Variants in DPP6 observed in about 807,000 individuals in gnomAD.
DPP6 encodes A-type potassium channel modulatory protein DPP6.
In DPP6, 69 loss-of-function variants were observed where a neutral mutation model predicts 122.6. The ratio of observed to expected loss-of-function variants is 0.56; its 90% CI spans 0.46 to 0.69. DPP6 has a LOEUF of 0.69. Ranked by LOEUF, DPP6 falls within the 30% of genes least tolerant of loss-of-function variation. The pLI, the probability that DPP6 is intolerant of heterozygous loss-of-function variation, is 0.00. For missense variants in DPP6, 928 were observed against 1,116.9 expected (o/e 0.83, Z 2.41); for synonymous variants, 418 against 433.1 (o/e 0.97, Z 0.43).
intron 1 of DPP6, among the ~76,000 whole-genome samples, chr7:153,965,750 C>T (rs748272026): frequency 7.9e-5 from 12 of 151,848 alleles, no homozygotes; most frequent in East Asian, 7.8e-4. Flanking sequence ...CAGCACTTTG[C>T]GAGGCCCAGA....
At chr7:153,772,797 G>A in the DPP6 span, among the ~76,000 whole-genome samples, 1 of 148,424 alleles carries the variant, frequency 6.7e-6, no homozygotes, top group Non-Finnish European at 1.5e-5. Flanking sequence ...AGCTGGAGTA[G>A]TTATATTAAT....
chr7:154,276,984 AC>A (rs1804181012), intron 1 of DPP6, among the ~76,000 whole-genome samples: 1 of 152,158 alleles, frequency 6.6e-6, no homozygotes, highest in Non-Finnish European at 1.5e-5. Flanking sequence ...CCTACACAGC[AC>A]TTCAGCACGC....
At chr7:154,642,215 G>A (rs778465288) in intron 6 of DPP6, among the ~76,000 whole-genome samples, 7 of 152,082 alleles carry the variant, frequency 4.6e-5, no homozygotes, top group South Asian at 2.1e-4. Flanking sequence ...TGAACCCATC[G>A]TGCTGCTGAC....
At chr7:154,566,267 T>C (rs545029951) in intron 4 of DPP6, among the ~76,000 whole-genome samples, 1 of 152,276 alleles carries the variant, frequency 6.6e-6, no homozygotes, top group South Asian at 2.1e-4. Flanking sequence ...CTTATTTCTT[T>C]TTCTTTTCTT....
chr7:154,497,617 GA>G (rs146292356), intron 3 of DPP6, among the ~76,000 whole-genome samples: 51,292 of 131,594 alleles, frequency 0.39, 10,431 homozygotes, highest in Admixed American at 0.49. Flanking sequence ...TCCAAAAAAA[GA>G]AAAAAAAAAA....
At chr7:153,949,609 C>G (rs1288257308) in intron 1 of DPP6, among the ~76,000 whole-genome samples, 1 of 152,196 alleles carries the variant, frequency 6.6e-6, no homozygotes, top group Non-Finnish European at 1.5e-5. Flanking sequence ...ACTGAGCAAG[C>G]TGATTCTCAC....
chr7:154,717,973 T>C (rs920859220), intron 7 of DPP6, among the ~76,000 whole-genome samples: 72 of 152,238 alleles, frequency 4.7e-4, no homozygotes, highest in African/African-American at 1.6e-3. Context: ...ATGTCATTGT[T>C]GTTTTCATTT....
At chr7:153,819,661 T>C in the DPP6 span, among the ~76,000 whole-genome samples, 1 of 152,204 alleles carries the variant, frequency 6.6e-6, no homozygotes, top group Non-Finnish European at 1.5e-5. Context: ...AATGTAATAA[T>C]GAATAAATGA....
At chr7:153,900,391 G>T (rs1056830996) in intron 1 of DPP6, among the ~76,000 whole-genome samples, 1 of 152,190 alleles carries the variant, frequency 6.6e-6, no homozygotes, top group East Asian at 1.9e-4. Flanking sequence ...AGGAAAAGAG[G>T]TTTATTTTGC....
the DPP6 span, among the ~76,000 whole-genome samples, chr7:153,800,295 GT>G: frequency 6.6e-6 from 1 of 152,272 alleles, no homozygotes; most frequent in African/African-American, 2.4e-5. Context: ...ACTATAGGTT[GT>G]CATGTTAGTT....
chr7:154,322,868 T>C (rs534416333), intron 1 of DPP6, among the ~76,000 whole-genome samples: 2 of 152,310 alleles, frequency 1.3e-5, no homozygotes, highest in East Asian at 1.9e-4. Context: ...CCTGTACTTA[T>C]ATCACACAAC....
At chr7:154,746,799 A>G (rs1003894382) in intron 8 of DPP6, among the ~76,000 whole-genome samples, 3 of 152,248 alleles carry the variant, frequency 2.0e-5, no homozygotes, top group African/African-American at 7.2e-5. Context: ...ATTCATTGAG[A>G]GAACCAAGGA....
intron 21 of DPP6, among the ~76,000 whole-genome samples, chr7:154,882,727 C>A (rs1015279773): frequency 6.6e-6 from 1 of 151,678 alleles, no homozygotes; most frequent in Admixed American, 6.6e-5. Context: ...CAGAGCAGGC[C>A]GCGTGGCCCT....
intron 1 of DPP6, among the ~76,000 whole-genome samples, chr7:154,218,848 T>C (rs938657006): frequency 6.6e-6 from 1 of 152,204 alleles, no homozygotes; most frequent in African/African-American, 2.4e-5. Flanking sequence ...TAAATATATG[T>C]AGCCATCTCC....
At chr7:154,751,609 C>CAA (rs11339562) in intron 8 of DPP6, among the ~76,000 whole-genome samples, 1 of 87,366 alleles carries the variant, frequency 1.1e-5, no homozygotes, top group African/African-American at 4.1e-5. Flanking sequence ...GACTCTGTCT[C>CAA]AAAAAAAAAA....
At chr7:154,761,546 G>T (rs922771686) in intron 8 of DPP6, among the ~76,000 whole-genome samples, 2 of 152,184 alleles carry the variant, frequency 1.3e-5, no homozygotes, top group South Asian at 2.1e-4. Context: ...TCCCAGTTCT[G>T]CAGACTGTGC....
At chr7:153,787,393 C>T in the DPP6 span, among the ~76,000 whole-genome samples, 265 of 147,822 alleles carry the variant, frequency 1.8e-3, 3 homozygotes, top group African/African-American at 6.5e-3. Flanking sequence ...TCCAGAGATG[C>T]TGTTCTTTGT....
At chr7:154,158,195 C>A (rs1796787869) in intron 1 of DPP6, among the ~76,000 whole-genome samples, 1 of 149,546 alleles carries the variant, frequency 6.7e-6, no homozygotes, top group African/African-American at 2.5e-5. Flanking sequence ...TTTTTGTATA[C>A]AAAGACTGTT....
At chr7:154,139,688 T>G (rs1795748248) in intron 1 of DPP6, among the ~76,000 whole-genome samples, 1 of 151,678 alleles carries the variant, frequency 6.6e-6, no homozygotes, top group Non-Finnish European at 1.5e-5. Context: ...GCCTAAGAAG[T>G]CCGGTGAAAT....
Sources: gnomAD v4.1 joint callset for allele counts (sites outside exome capture counted in the v4.1 genomes callset) on GRCh38, gnomAD v4.1.1 for gene constraint, MANE v1.5 for transcripts, NCBI Gene and HGNC (gene_info 2026-07-23, HGNC 2026-07-21) for gene names.